Variants in FMN1 observed in about 807,000 individuals in gnomAD.
The protein encoded by FMN1 is formin-1.
FMN1 carries 110 observed loss-of-function variants against 132.4 expected under a neutral mutation model. The observed-to-expected ratio is 0.83, with a 90% CI of 0.71 to 0.97. The LOEUF (loss-of-function observed/expected upper bound fraction) is 0.97. Among genes scored for constraint, FMN1 ranks in the 50% least tolerant of loss-of-function variants. The pLI is 0.00. For synonymous variants in FMN1, 722 were observed against 651.7 expected (o/e 1.11, Z -1.64); for missense variants, 1,792 against 1,705.3 (o/e 1.05, Z -0.90).
intron 4 of FMN1, among the ~76,000 whole-genome samples, chr15:33,124,471 CCTT>C (rs1962861783): frequency 6.6e-6 from 1 of 152,102 alleles, no homozygotes; most frequent in African/African-American, 2.4e-5. Context: ...AGCTGCATGA[CCTT>C]CTTAAATTAC....
chr15:32,887,571 A>G (rs1406846208), intron 16 of FMN1, among the ~76,000 whole-genome samples: 22 of 151,960 alleles, frequency 1.4e-4, no homozygotes, highest in Admixed American at 1.4e-3. Context: ...TACCATCATT[A>G]TTAGACTCAT....
chr15:32,982,410 C>T (rs530862673), intron 7 of FMN1, among the ~76,000 whole-genome samples: 3 of 152,278 alleles, frequency 2.0e-5, no homozygotes, highest in Admixed American at 6.5e-5. Context: ...GATCCCACTC[C>T]TACACATTTG....
Position 32,964,045 on chromosome 15 carries a change from A to ACACG in FMN1, c.3138+61_3138+62insCGTG, listed in dbSNP as rs1567472532. ...CACACACACACACACACACACACAC[A>ACACG]CACATATATACCATTTCCCTGTATA... On this transcript the variant is annotated intron_variant, in intron 9 of 20. Transcript: ENST00000616417. The ACACG allele has an allele frequency of 3.0e-5, 37 of 1,230,096 alleles. No homozygotes were observed. The African/African-American group carries it at 5.2e-4, about 17-fold the overall frequency. 76.2% of individuals were successfully genotyped at this position (1,230,096 alleles called of 1,614,324 possible).
intron 4 of FMN1, among the ~76,000 whole-genome samples, chr15:33,120,688 C>T (rs1018802529): frequency 6.6e-6 from 1 of 152,132 alleles, no homozygotes; most frequent in African/African-American, 2.4e-5. Context: ...ATATCTACAT[C>T]ATTCTTTTAA....
At chr15:33,099,461 G>C (rs1329723838) in intron 4 of FMN1, among the ~76,000 whole-genome samples, 24 of 152,114 alleles carry the variant, frequency 1.6e-4, no homozygotes, top group Admixed American at 1.4e-3. Context: ...TGCTCAATTA[G>C]AATAATAGCA....
intron 16 of FMN1, among the ~76,000 whole-genome samples, chr15:32,866,848 C>T (rs1020235890): frequency 6.6e-6 from 1 of 152,166 alleles, no homozygotes; most frequent in Non-Finnish European, 1.5e-5. Flanking sequence ...ACACTTTGTC[C>T]CTTAGCGTCT....
intron 11 of FMN1, 41 bp from the exon 12 acceptor site, chr15:32,908,619 AAAAAG>A: frequency 7.9e-7 from 1 of 1,264,732 alleles, no homozygotes; most frequent in Non-Finnish European, 1.1e-6. Flanking sequence ...AAAAAAAAAA[AAAAAG>A]GGAAGTGAGA....
chr15:33,059,614 G>C (rs1343825693), intron 6 of FMN1, among the ~76,000 whole-genome samples: 1 of 152,082 alleles, frequency 6.6e-6, no homozygotes, highest in Non-Finnish European at 1.5e-5. Context: ...TTCAATTTTA[G>C]ACTATCTTTA....
chr15:33,064,766 T>G (rs1307034466), intron 6 of FMN1, 191 bp downstream of exon 6: 3 of 424,842 alleles, frequency 7.1e-6, no homozygotes, highest in Non-Finnish European at 1.3e-5. Context: ...GCATTCATCT[T>G]TCATCTTTCA....
chr15:32,865,790 C>T (rs771386324), intron 16 of FMN1, among the ~76,000 whole-genome samples: 3 of 149,522 alleles, frequency 2.0e-5, no homozygotes, highest in African/African-American at 4.9e-5. Flanking sequence ...AAGCTGAGAT[C>T]ATGCCATTGC....
At chr15:32,883,393 C>T (rs934124934) in intron 16 of FMN1, among the ~76,000 whole-genome samples, 3 of 151,346 alleles carry the variant, frequency 2.0e-5, no homozygotes, top group African/African-American at 7.3e-5. Flanking sequence ...ATCTGTAGTC[C>T]CAGCTGCTTA....
chr15:32,986,880 C>T (rs997459231), intron 7 of FMN1, among the ~76,000 whole-genome samples: 4 of 152,074 alleles, frequency 2.6e-5, no homozygotes, highest in African/African-American at 4.8e-5. Context: ...ATAAGAATTA[C>T]GTATTTCAGG....
rs902329484 is a variant in FMN1 at position 32,768,268 on chromosome 15, A to C, written c.*6042T>G. The C allele has an allele frequency of 6.6e-6, 1 of 152,232 alleles. No individual in the cohort carries two copies. Among genetic ancestry groups the C allele is most frequent in the Non-Finnish European group, 1.5e-5 (1 of 68,054 alleles). The allele number at this position is 152,232 out of a possible 1,614,324, so 9.4% of individuals were successfully genotyped here. ...TATGGGACTAACCTTTCATTTGGGA[A>C]AGACAGATCTGGAAAGCGAACCCAG... On this transcript the variant is annotated 3_prime_UTR_variant, in exon 21 of 21. Transcript: ENST00000616417.
At chr15:33,151,366 A>G (rs1469218773) in intron 4 of FMN1, 1 of 1,536,582 alleles carries the variant, frequency 6.5e-7, no homozygotes, top group Non-Finnish European at 8.7e-7. Flanking sequence ...GCTGCTGAAG[A>G]TCCCAATGGA....
intron 4 of FMN1, among the ~76,000 whole-genome samples, chr15:33,109,590 C>G (rs2039618320): frequency 6.6e-6 from 1 of 151,976 alleles, no homozygotes; most frequent in Non-Finnish European, 1.5e-5. Flanking sequence ...AAGGCAGGAA[C>G]AGAAAATCAA....
chr15:32,795,786 T>C (rs1200402764), intron 19 of FMN1, among the ~76,000 whole-genome samples: 1 of 152,194 alleles, frequency 6.6e-6, no homozygotes, highest in African/African-American at 2.4e-5. Context: ...GTCTAGAAAG[T>C]GGCGCTTTTG....
At chr15:33,170,428 T>C (rs971189675) in intron 3 of FMN1, among the ~76,000 whole-genome samples, 3 of 152,012 alleles carry the variant, frequency 2.0e-5, no homozygotes, top group Non-Finnish European at 4.4e-5. Flanking sequence ...TATGTTAAAC[T>C]AGGAAGCTTC....
At chr15:33,116,872 T>C (rs2039948335) in intron 4 of FMN1, among the ~76,000 whole-genome samples, 1 of 152,170 alleles carries the variant, frequency 6.6e-6, no homozygotes, top group Admixed American at 6.5e-5. Flanking sequence ...CAGAGATCTT[T>C]CGAAAGTTTG....
At chr15:33,073,785 C>A in intron 5 of FMN1, among the ~76,000 whole-genome samples, 1 of 149,178 alleles carries the variant, frequency 6.7e-6, no homozygotes, top group East Asian at 2.0e-4. Context: ...GGCTGAAGTA[C>A]AGTGGCACAA....
Sources: allele counts gnomAD v4.1 joint callset (sites outside exome capture counted in the v4.1 genomes callset), GRCh38; gene constraint gnomAD v4.1.1; transcripts MANE v1.5; gene names NCBI Gene and HGNC (gene_info 2026-07-23, HGNC 2026-07-21).